Variants in PCMT1 observed in about 807,000 individuals in gnomAD.
The protein encoded by PCMT1 is protein-L-isoaspartate (D-aspartate) O-methyltransferase.
In PCMT1, 9 loss-of-function variants were observed where a neutral mutation model predicts 29.2. That is an observed-to-expected ratio of 0.31 (90% CI 0.19 to 0.54). The LOEUF is 0.54. Ranked by LOEUF, PCMT1 falls within the 20% of genes least tolerant of loss-of-function variation. PCMT1 has a pLI of 0.95. For synonymous variants in PCMT1, 98 were observed against 97.5 expected (o/e 1.00, Z -0.03); for missense variants, 184 against 282.2 (o/e 0.65, Z 2.49).
At chr6:149,764,992 G>C (rs1787016153) in intron 1 of PCMT1, among the ~76,000 whole-genome samples, 1 of 151,090 alleles carries the variant, frequency 6.6e-6, no homozygotes, top group South Asian at 2.1e-4. Flanking sequence ...AGTGAGCCGA[G>C]ATCGCGCCAC....
chr6:149,799,462 G>A (rs186169063), intron 6 of PCMT1, among the ~76,000 whole-genome samples: 56 of 152,178 alleles, frequency 3.7e-4, no homozygotes, highest in South Asian at 2.5e-3. Context: ...TTCCAACCTC[G>A]AATTCTGTAT....
At chr6:149,752,648 T>C (rs898334350) in intron 1 of PCMT1, among the ~76,000 whole-genome samples, 1 of 152,242 alleles carries the variant, frequency 6.6e-6, no homozygotes, top group African/African-American at 2.4e-5. Context: ...GTAAATATTT[T>C]TTACGAAATC....
At chr6:149,805,281 C>G (rs1775973402) in intron 7 of PCMT1, among the ~76,000 whole-genome samples, 1 of 152,124 alleles carries the variant, frequency 6.6e-6, no homozygotes, top group Non-Finnish European at 1.5e-5. Context: ...AATTAGTCAT[C>G]TGCTAAACAT....
chr6:149,793,998 A>G (rs1390652473), intron 5 of PCMT1, among the ~76,000 whole-genome samples: 2 of 152,084 alleles, frequency 1.3e-5, no homozygotes, highest in Admixed American at 6.6e-5. Context: ...CCCTTTGTCT[A>G]TATATATAAA....
At chr6:149,803,863 C>T (rs1462775513) in intron 7 of PCMT1, among the ~76,000 whole-genome samples, 2 of 146,722 alleles carry the variant, frequency 1.4e-5, no homozygotes, top group Admixed American at 6.8e-5. Flanking sequence ...AGCCAATCAT[C>T]TTAAGTCAGG....
At chr6:149,769,370 A>C (rs1787220609) in intron 1 of PCMT1, among the ~76,000 whole-genome samples, 1 of 129,836 alleles carries the variant, frequency 7.7e-6, no homozygotes, top group African/African-American at 3.1e-5. Context: ...GCTGGAGTTC[A>C]GTGGCACGAT....
chr6:149,805,548 C>A (rs561392262), intron 7 of PCMT1, among the ~76,000 whole-genome samples: 1 of 150,286 alleles, frequency 6.7e-6, no homozygotes, highest in African/African-American at 2.4e-5. Context: ...GAGCTGAGAT[C>A]GCGCCATTGC....
rs1787308449 is a variant in PCMT1 at position 149,771,232 on chromosome 6, A to G, written c.126A>G (p.Lys42=). The G allele has an allele frequency of 6.2e-7, 1 of 1,609,708 alleles. No homozygotes were observed. The highest frequency in any genetic ancestry group is 1.3e-5 in the African/African-American group (1 of 74,974). ...MLATDRSHYA[K]CNPYMDSPQS... ...CTACAGACCGCTCCCACTATGCAAA[A>G]TGTAACCCATACATGGATTCTCCAC... The change falls in exon 2 of 8, where the codon AAA becomes AAG. Residue 42 remains lysine (K), a synonymous_variant. Transcript: ENST00000464889.
chr6:149,778,948 AACT>A (rs1247511296), intron 3 of PCMT1, among the ~76,000 whole-genome samples: 2 of 152,204 alleles, frequency 1.3e-5, no homozygotes, highest in Admixed American at 1.3e-4. Flanking sequence ...AAACAGTTTG[AACT>A]ACTACTGAAG....
At chr6:149,803,254 T>C (rs1775901195) in intron 7 of PCMT1, among the ~76,000 whole-genome samples, 1 of 152,094 alleles carries the variant, frequency 6.6e-6, no homozygotes, top group African/African-American at 2.4e-5. Context: ...CCCATGCCTA[T>C]TTTTCATTCA....
At chr6:149,773,586 G>A (rs1204214267) in intron 3 of PCMT1, among the ~76,000 whole-genome samples, 1 of 152,118 alleles carries the variant, frequency 6.6e-6, no homozygotes, top group Non-Finnish European at 1.5e-5. Context: ...CATGGTCTTA[G>A]CCAGGATGGT....
At chr6:149,763,050 ATATC>A (rs1481461674) in intron 1 of PCMT1, among the ~76,000 whole-genome samples, 1 of 66,766 alleles carries the variant, frequency 1.5e-5, no homozygotes, top group Admixed American at 2.4e-4. Flanking sequence ...TATGATATGT[ATATC>A]TATGATATAT....
At chr6:149,791,414 T>C (rs1788366795) in intron 4 of PCMT1, among the ~76,000 whole-genome samples, 1 of 152,232 alleles carries the variant, frequency 6.6e-6, no homozygotes, top group African/African-American at 2.4e-5. Flanking sequence ...CCCACTAATA[T>C]ATGTTGGAGT....
chr6:149,788,694 G>C (rs1030171216), intron 3 of PCMT1, among the ~76,000 whole-genome samples: 1 of 152,210 alleles, frequency 6.6e-6, no homozygotes, highest in African/African-American at 2.4e-5. Context: ...TTCCACTGGA[G>C]AACTTTTTTC....
chr6:149,761,974 T>G (rs1376926422), intron 1 of PCMT1, among the ~76,000 whole-genome samples: 1 of 152,198 alleles, frequency 6.6e-6, no homozygotes, highest in Non-Finnish European at 1.5e-5. Context: ...TTACAGACCT[T>G]TCTGCTATTG....
intron 1 of PCMT1, among the ~76,000 whole-genome samples, chr6:149,750,492 G>T (rs1405065906): frequency 6.6e-6 from 1 of 152,148 alleles, no homozygotes; most frequent in Admixed American, 6.6e-5. Flanking sequence ...TGATACAGGC[G>T]AGGGGAGGAA....
intron 6 of PCMT1, among the ~76,000 whole-genome samples, chr6:149,800,227 AG>A (rs962228831): frequency 5.4e-4 from 82 of 152,266 alleles, no homozygotes; most frequent in African/African-American, 1.9e-3. Context: ...GTACTTTAAG[AG>A]GCCGAGGAGA....
intron 7 of PCMT1, among the ~76,000 whole-genome samples, chr6:149,803,434 C>T (rs1006685587): frequency 2.0e-5 from 3 of 148,918 alleles, no homozygotes; most frequent in African/African-American, 7.3e-5. Flanking sequence ...ACTTTCAGCA[C>T]AGCATGGTTT....
At chr6:149,800,908 G>A (rs1010835457) in intron 6 of PCMT1, among the ~76,000 whole-genome samples, 3 of 152,192 alleles carry the variant, frequency 2.0e-5, no homozygotes, top group Non-Finnish European at 4.4e-5. Context: ...CAAGAGGATA[G>A]TTCTATATTA....
Sources: allele counts gnomAD v4.1 joint callset (sites outside exome capture counted in the v4.1 genomes callset), GRCh38; gene constraint gnomAD v4.1.1; transcripts MANE v1.5; gene names NCBI Gene and HGNC (gene_info 2026-07-23, HGNC 2026-07-21).